Variants in KIRREL3 observed in about 807,000 individuals in gnomAD.
The protein encoded by KIRREL3 is kin of IRRE-like protein 3.
KIRREL3 carries 36 observed loss-of-function variants against 89.7 expected under a neutral mutation model. The observed-to-expected ratio is 0.40, with a 90% CI of 0.31 to 0.53. The LOEUF is 0.53. KIRREL3 is among the 20% of genes least tolerant of loss of function. The pLI, the probability that KIRREL3 is intolerant of heterozygous loss-of-function variation, is 0.49. For missense variants in KIRREL3, 864 were observed against 1,056.6 expected (o/e 0.82, Z 2.53); for synonymous variants, 445 against 441.4 (o/e 1.01, Z -0.10).
chr11:126,463,112 C>T lies in KIRREL3; in HGVS notation c.742+45G>A. Reference sequence around the variant, plus strand: ...TGGTCAGGGTTGCTGGGTGTTTCACCCTGGGCCTGGCAGGGCTGGGTTGGG... The same window carrying T: ...TGGTCAGGGTTGCTGGGTGTTTCACTCTGGGCCTGGCAGGGCTGGGTTGGG... On this transcript the variant is annotated intron_variant, in intron 6 of 16. Transcript: ENST00000525144. This position sits in a 1 kb window ranked among gnomAD's most constrained non-coding sequence, Gnocchi z 5.9. The T allele has an allele frequency of 6.3e-7, 1 of 1,595,034 alleles. No homozygotes were observed.
chr11:126,793,764 C>T (rs561750704), intron 1 of KIRREL3, among the ~76,000 whole-genome samples: 14 of 152,294 alleles, frequency 9.2e-5, no homozygotes, highest in African/African-American at 2.9e-4. Flanking sequence ...GGACCGGAAG[C>T]GTGCTCATGC....
rs956434962 is a variant in KIRREL3, at chr11:126,429,128, C to A, written c.1806+51G>T. 2.5e-6 allele frequency: 3 copies of A among 1,219,908 alleles called. No homozygotes were observed. The highest frequency in any genetic ancestry group is 3.6e-6 in the Non-Finnish European group (3 of 831,352). The allele number at this position is 1,219,908 out of a possible 1,614,324, so 75.6% of individuals were successfully genotyped here. On this transcript the variant is annotated intron_variant, in intron 15 of 16. Transcript: ENST00000525144. The surrounding 1 kb of genome is among the most constrained non-coding windows in gnomAD (Gnocchi z 5.2). ...CATTGAGAAGCCTCTAGTCCCAGGA[C>A]CTTCTGGGAATGGAGTCACGGGATG...
intron 1 of KIRREL3, among the ~76,000 whole-genome samples, chr11:126,816,751 G>A (rs527263397): frequency 3.5e-4 from 54 of 152,274 alleles, no homozygotes; most frequent in Non-Finnish European, 5.7e-4. Context: ...TCTTCTTTGC[G>A]CCAAAGCCTG....
intron 1 of KIRREL3, among the ~76,000 whole-genome samples, chr11:126,939,780 G>T (rs557335807): frequency 6.6e-6 from 1 of 152,240 alleles, no homozygotes; most frequent in African/African-American, 2.4e-5. Flanking sequence ...ATATGAAACT[G>T]ATATTATAGC....
In KIRREL3 at chr11:126,463,424, G is replaced by T; in HGVS notation, c.592-117C>A. 9.4e-7 allele frequency: 1 copy of T among 1,066,132 alleles called. No individual in the cohort carries two copies. Among genetic ancestry groups the T allele is most frequent in the Non-Finnish European group, 1.3e-6 (1 of 742,952 alleles). The allele number at this position is 1,066,132 out of a possible 1,614,324, so 66.0% of individuals were successfully genotyped here. Reference sequence around the variant, plus strand: ...AGAAGGGGGAGCTGTGGATGGAGGGGTTCAGCTTAGGAGACCTGGGCTGCC... The same window carrying T: ...AGAAGGGGGAGCTGTGGATGGAGGGTTTCAGCTTAGGAGACCTGGGCTGCC... On this transcript the variant is annotated intron_variant, in intron 5 of 16. Coordinates refer to ENST00000525144, the MANE Select transcript of KIRREL3 (RefSeq NM_032531.4). This position sits in a 1 kb window ranked among gnomAD's most constrained non-coding sequence, Gnocchi z 5.9.
chr11:126,982,115 T>G (rs1949738884), intron 1 of KIRREL3, among the ~76,000 whole-genome samples: 1 of 152,234 alleles, frequency 6.6e-6, no homozygotes. Context: ...CACCTGCAAC[T>G]GTTTAACAGC....
chr11:126,722,537 C>T (rs1173615310), intron 1 of KIRREL3, among the ~76,000 whole-genome samples: 1 of 152,234 alleles, frequency 6.6e-6, no homozygotes, highest in Non-Finnish European at 1.5e-5. Context: ...TTTATTAGAA[C>T]ACAGACATGC....
intron 1 of KIRREL3, among the ~76,000 whole-genome samples, chr11:126,916,498 A>T (rs1947045107): frequency 6.6e-6 from 1 of 152,142 alleles, no homozygotes; most frequent in African/African-American, 2.4e-5. Context: ...GAACTGCAAA[A>T]TGAAGGAATA....
chr11:126,661,213 G>C (rs1945386708), intron 1 of KIRREL3, among the ~76,000 whole-genome samples: 1 of 152,194 alleles, frequency 6.6e-6, no homozygotes, highest in Non-Finnish European at 1.5e-5. Context: ...CACAGACACT[G>C]TGTCTCAGAA....
chr11:126,533,871 T>C (rs933960835), intron 2 of KIRREL3, among the ~76,000 whole-genome samples: 2 of 152,082 alleles, frequency 1.3e-5, no homozygotes, highest in Admixed American at 6.5e-5. Flanking sequence ...TCACAACAAA[T>C]GCTCAGGGGA....
intron 1 of KIRREL3, among the ~76,000 whole-genome samples, chr11:126,888,906 C>T (rs949599795): frequency 6.6e-6 from 1 of 152,180 alleles, no homozygotes; most frequent in Non-Finnish European, 1.5e-5. Flanking sequence ...GTTCCTAACA[C>T]TCCTATGGGG....
rs150358329 is a variant in KIRREL3, at chr11:126,854,861, T to C, written c.55+145594A>G. 5.4e-4 allele frequency among the ~76,000 whole-genome samples: 82 copies of C among 152,312 alleles called. 1 individual carries two copies. The highest frequency in any genetic ancestry group is 1.9e-3 in the African/African-American group (78 of 41,580). ...TACCAACAGTGCACAAAGGGTCCAA[T>C]TCATCCTCTGCAGTCATTTCAATCT... On this transcript the variant is annotated intron_variant, in intron 1 of 16. Coordinates refer to ENST00000525144, the MANE Select transcript of KIRREL3 (RefSeq NM_032531.4).
Position 126,903,051 on chromosome 11 carries a change from A to C in KIRREL3, c.55+97404T>G, listed in dbSNP as rs551997248. 3.8e-4 allele frequency among the ~76,000 whole-genome samples: 58 copies of C among 152,210 alleles called. No homozygotes were observed. Among genetic ancestry groups the C allele is most frequent in the Non-Finnish European group, 7.3e-4 (50 of 68,034 alleles). On this transcript the variant is annotated intron_variant, in intron 1 of 16. Coordinates refer to ENST00000525144, the MANE Select transcript of KIRREL3 (RefSeq NM_032531.4). The surrounding 1 kb of genome is among the most constrained non-coding windows in gnomAD (Gnocchi z 4.5). ...AAAGAAGCAAAAAATAGCATCATTT[A>C]CTCAGCAGCATATTGTACCTTTGCC... is the stretch of plus-strand genomic sequence containing the variant.
At chr11:126,824,153 G>A (rs566670168) in intron 1 of KIRREL3, among the ~76,000 whole-genome samples, 2 of 152,280 alleles carry the variant, frequency 1.3e-5, no homozygotes, top group Non-Finnish European at 2.9e-5. Context: ...GGCTGGAAAT[G>A]GAAGCACAGG....
At chr11:126,600,204 C>T (rs1201774888) in intron 1 of KIRREL3, among the ~76,000 whole-genome samples, 1 of 152,158 alleles carries the variant, frequency 6.6e-6, no homozygotes, top group Non-Finnish European at 1.5e-5. Flanking sequence ...GGCTCTCAAT[C>T]CAACAGCCTA....
At chr11:126,473,067 C>T (rs549109503) in intron 5 of KIRREL3, among the ~76,000 whole-genome samples, 1 of 98,972 alleles carries the variant, frequency 1.0e-5, no homozygotes, top group African/African-American at 3.9e-5. Flanking sequence ...CCCCAGCCCC[C>T]ACCATCCTCT....
chr11:126,951,623 A>G (rs1007832319), intron 1 of KIRREL3, among the ~76,000 whole-genome samples: 4 of 152,252 alleles, frequency 2.6e-5, no homozygotes, highest in African/African-American at 7.2e-5. Flanking sequence ...TGAGGCCCCA[A>G]TGAGAAATGC....
At chr11:126,937,761 T>C (rs955668424) in intron 1 of KIRREL3, among the ~76,000 whole-genome samples, 4 of 152,062 alleles carry the variant, frequency 2.6e-5, no homozygotes, top group Non-Finnish European at 4.4e-5. Context: ...CAGCCGGGCG[T>C]GGTGGCAGGT....
chr11:126,426,614 A>G (rs879495139), intron 15 of KIRREL3, among the ~76,000 whole-genome samples: 1 of 152,228 alleles, frequency 6.6e-6, no homozygotes, highest in Non-Finnish European at 1.5e-5. Context: ...CACAGTGGGC[A>G]TATGAATTAA....
Sources: allele counts gnomAD v4.1 joint callset (sites outside exome capture counted in the v4.1 genomes callset), GRCh38; gene constraint gnomAD v4.1.1; non-coding constraint Gnocchi (gnomAD v3.1); transcripts MANE v1.5; gene names NCBI Gene and HGNC (gene_info 2026-07-23, HGNC 2026-07-21).